Variants in TMEM183A observed in about 807,000 individuals in gnomAD.
TMEM183A encodes the protein chromosome 1 open reading frame 37.
In TMEM183A, 21 loss-of-function variants were observed where a neutral mutation model predicts 46.7. That is an observed-to-expected ratio of 0.45 (90% CI 0.32 to 0.65). TMEM183A has a LOEUF of 0.65. TMEM183A is among the 30% of genes least tolerant of loss of function. The pLI is 0.04. For missense variants in TMEM183A, 331 were observed against 481.9 expected, an observed-to-expected ratio of 0.69 and a Z score of 2.93; for synonymous variants, 165 against 180.2, an observed-to-expected ratio of 0.92 and a Z score of 0.68.
intron 4 of TMEM183A, 134 bp downstream of exon 4, chr1:203,015,182 C>A: frequency 1.7e-6 from 2 of 1,209,356 alleles, no homozygotes; most frequent in South Asian, 1.5e-5. Context: ...CAGCTTTGGA[C>A]TCCTTGAGCC....
intron 5 of TMEM183A, 77 bp from the exon 6 acceptor site, chr1:203,018,404 G>A (rs1363076369): frequency 6.6e-7 from 1 of 1,514,604 alleles, no homozygotes; most frequent in Non-Finnish European, 8.9e-7. Flanking sequence ...GGTTTTTGGT[G>A]ATTATTTTGG....
At chr1:203,022,702 CA>C (rs112434420) in intron 7 of TMEM183A, among the ~76,000 whole-genome samples, 152 bp from the exon 8 acceptor site, 2,509 of 100,450 alleles carry the variant, frequency 0.025, 53 homozygotes, top group Admixed American at 0.11. Flanking sequence ...GGTCCTTTCT[CA>C]AAAAAAAAAA....
At chr1:203,011,971 T>C (rs958968680) in intron 3 of TMEM183A, among the ~76,000 whole-genome samples, 2 of 151,734 alleles carry the variant, frequency 1.3e-5, no homozygotes, top group Non-Finnish European at 2.9e-5. Flanking sequence ...TAATGAAACA[T>C]GTAGAAGAAG....
intron 2 of TMEM183A, 67 bp downstream of exon 2, chr1:203,007,930 T>C: frequency 6.3e-7 from 1 of 1,583,604 alleles, no homozygotes; most frequent in Non-Finnish European, 8.6e-7. Context: ...TATTTCTGTT[T>C]TTCTTGCAGT....
chr1:203,017,075 G>A (rs909338908), intron 5 of TMEM183A, among the ~76,000 whole-genome samples: 8 of 152,012 alleles, frequency 5.3e-5, no homozygotes, highest in East Asian at 3.8e-4. Context: ...CGAGATTATC[G>A]AGGTTCCCCC....
chr1:203,016,181 TGTATG>T (rs1434762038), intron 5 of TMEM183A, 41 bp downstream of exon 5: 8 of 1,612,880 alleles, frequency 5.0e-6, no homozygotes, highest in Non-Finnish European at 6.8e-6. Flanking sequence ...AATGAACTCT[TGTATG>T]GTAGGCCTGT....
Position 203,024,292 on chromosome 1 carries a change from A to G in TMEM183A, c.*1252A>G, listed in dbSNP as rs1657981777. Reference sequence around the variant, plus strand: ...TAGATGACTCCTATTGTTCAGGTGTACTCTGAGAAGAGAATCACGTTTTTC... The same window carrying G: ...TAGATGACTCCTATTGTTCAGGTGTGCTCTGAGAAGAGAATCACGTTTTTC... On this transcript the variant is annotated 3_prime_UTR_variant, in exon 8 of 8. Transcript: ENST00000367242. 6.6e-6 allele frequency: 1 copy of G among 152,138 alleles called. No homozygotes were observed. The allele number at this position is 152,138 out of a possible 1,614,324, so 9.4% of individuals were successfully genotyped here. A position where few individuals can be genotyped will look rare whatever the true frequency, so the allele number is the denominator to read the frequency against.
At position 203,020,142 on chromosome 1, in the gene TMEM183A, TTAAAG is replaced by T. The variant is rs1358599429; in HGVS notation, c.790-646_790-642del. Among the ~76,000 whole-genome samples, 5 of 152,334 alleles carry T rather than the reference TTAAAG, an allele frequency of 3.3e-5. No individual in the cohort carries two copies. The South Asian group carries it at 6.2e-4, about 19-fold the overall frequency. Reference sequence around the variant, plus strand: ...AGGTGGGTTACAGATAAGTTTGTAATTAAAGTAAACCTTATTTTCCTATTGATTTA... The same window carrying T: ...AGGTGGGTTACAGATAAGTTTGTAATTAAACCTTATTTTCCTATTGATTTA... On this transcript the variant is annotated intron_variant, in intron 6 of 7. Coordinates refer to ENST00000367242, the MANE Select transcript of TMEM183A (RefSeq NM_138391.6).
rs946700813 is a variant in TMEM183A at position 203,016,095 on chromosome 1, T to C, written c.663T>C (p.Asn221=). ...YEPFAARISK[N]PAIPESTPST... is the part of the protein sequence containing the mutation. ...CATTTGCTGCTCGAATCTCCAAGAA[T>C]CCAGCCATTCCAGAAAGCACCCCCA... The change falls in exon 5 of 8, where the codon AAT becomes AAC. Residue 221 remains asparagine (N), a synonymous_variant. Coordinates refer to ENST00000367242, the MANE Select transcript of TMEM183A (RefSeq NM_138391.6). The C allele has an allele frequency of 1.2e-6, 2 of 1,614,200 alleles. No homozygotes were observed. Among genetic ancestry groups the C allele is most frequent in the African/African-American group, 2.7e-5 (2 of 75,038 alleles).
intron 3 of TMEM183A, among the ~76,000 whole-genome samples, chr1:203,012,274 C>CACACACACACAT (rs1656727596): frequency 6.7e-6 from 1 of 149,740 alleles, no homozygotes; most frequent in Admixed American, 6.7e-5. Context: ...CACACACACA[C>CACACACACACAT]ACACGGTTAT....
At chr1:203,015,096 T>G (rs765192671) in intron 4 of TMEM183A, 48 bp downstream of exon 4, 1 of 1,600,824 alleles carries the variant, frequency 6.2e-7, no homozygotes, top group Non-Finnish European at 8.5e-7. Context: ...CTGATTTCAT[T>G]ACTGTTTGTG....
At chr1:203,015,545 A>T (rs115043031) in intron 4 of TMEM183A, 205 of 219,808 alleles carry the variant, frequency 9.3e-4, no homozygotes, top group African/African-American at 4.7e-3. Context: ...ATGGAAGTGT[A>T]GTGACAATTG....
intron 1 of TMEM183A, 42 bp from the exon 2 acceptor site, chr1:203,007,732 C>G (rs779705598): frequency 1.9e-6 from 3 of 1,607,982 alleles, no homozygotes; most frequent in Non-Finnish European, 2.6e-6. Context: ...AAGACGCTGA[C>G]GAGAGAAGGC....
At chr1:203,016,980 A>G (rs1332409319) in intron 5 of TMEM183A, among the ~76,000 whole-genome samples, 2 of 152,196 alleles carry the variant, frequency 1.3e-5, no homozygotes, top group South Asian at 2.1e-4. Flanking sequence ...ATTGCACATT[A>G]TATAATGATT....
intron 6 of TMEM183A, among the ~76,000 whole-genome samples, chr1:203,020,574 C>G (rs1231564840): frequency 6.6e-6 from 1 of 152,142 alleles, no homozygotes; most frequent in East Asian, 1.9e-4. Flanking sequence ...ACCATCTAAA[C>G]GAAGCATAAA....
In TMEM183A at chr1:203,023,973, AAAG is replaced by A. The variant is rs1657956606; in HGVS notation, c.*934_*936del. 6.6e-6 allele frequency: 1 copy of A among 152,250 alleles called. No homozygotes were observed. The highest frequency in any genetic ancestry group is 1.5e-5 in the Non-Finnish European group (1 of 68,050). The allele number at this position is 152,250 out of a possible 1,614,324, so 9.4% of individuals were successfully genotyped here. A position where few individuals can be genotyped will look rare whatever the true frequency, so the allele number is the denominator to read the frequency against. Reference sequence around the variant, plus strand: ...GTATATGTTATTCTAATCAGCCAAAAAAGTTTAGAAGATTGATGAAATGATCTT... The same window carrying A: ...GTATATGTTATTCTAATCAGCCAAAATTTAGAAGATTGATGAAATGATCTT... On this transcript the variant is annotated 3_prime_UTR_variant, in exon 8 of 8. Transcript: ENST00000367242.
Position 203,008,762 on chromosome 1 carries a change from A to T in TMEM183A, c.319A>T (p.Ile107Phe), listed in dbSNP as rs762631269. Residue 107 changes from isoleucine (I) to phenylalanine (F), a missense_variant, in exon 3 of 8, where the codon ATC becomes TTC. By Grantham distance (21) the Ile-to-Phe change is conservative (BLOSUM62 0). Transcript: ENST00000367242. ...SDEMDAQEESIHERTVSRKKK... is the reference protein window; with the variant it reads ...SDEMDAQEESFHERTVSRKKK... ...TGAGATGGATGCCCAGGAGGAAAGC[A>T]TCCATGAGAGAACTGTCTCCAGAAA... 4.3e-6 allele frequency: 7 copies of T among 1,609,348 alleles called. No individual in the cohort carries two copies. Among genetic ancestry groups the T allele is most frequent in the Non-Finnish European group, 5.9e-6 (7 of 1,177,936 alleles).
rs1218903470 is a variant in TMEM183A, at chr1:203,016,824, T to C, written c.708+684T>C. ...CTGTCATTCTTCTGATTTGTAAATA[T>C]GTCTACTAGCCTTTGGTCCATTCTC... On this transcript the variant is annotated intron_variant, in intron 5 of 7. Coordinates refer to ENST00000367242, the MANE Select transcript of TMEM183A (RefSeq NM_138391.6). Among the ~76,000 whole-genome samples the C allele has an allele frequency of 3.9e-5, 6 of 152,382 alleles. No individual in the cohort carries two copies. The East Asian group carries it at 1.2e-3, about 29-fold the overall frequency.
At chr1:203,020,089 A>G (rs1240532089) in intron 6 of TMEM183A, among the ~76,000 whole-genome samples, 22 of 152,226 alleles carry the variant, frequency 1.4e-4, no homozygotes. Context: ...TGAGACACAA[A>G]TACTATGAAT....
Sources: allele counts gnomAD v4.1 joint callset (sites outside exome capture counted in the v4.1 genomes callset), GRCh38; gene constraint gnomAD v4.1.1; transcripts MANE v1.5; gene names NCBI Gene and HGNC (gene_info 2026-07-23, HGNC 2026-07-21).